The following IPMK variants were observed in gnomAD, a reference collection of about 807,000 sequenced individuals.
IPMK encodes inositol polyphosphate multikinase, also known as inositol 1,3,4,6-tetrakisphosphate 5-kinase.
IPMK carries 17 observed loss-of-function variants against 45.8 expected under a neutral mutation model. The observed-to-expected ratio is 0.37, with a 90% CI of 0.25 to 0.56. The LOEUF (loss-of-function observed/expected upper bound fraction) is 0.56. Among genes scored for constraint, IPMK ranks in the 20% least tolerant of loss-of-function variants. IPMK has a pLI of 0.79. For synonymous variants in IPMK, 180 were observed against 184.3 expected, an observed-to-expected ratio of 0.98 and a Z score of 0.19; for missense variants, 399 against 498.0, an observed-to-expected ratio of 0.80 and a Z score of 1.89.
chr10:58,198,915 C>T (rs890502293), intron 5 of IPMK, among the ~76,000 whole-genome samples: 7 of 151,934 alleles, frequency 4.6e-5, no homozygotes, highest in African/African-American at 1.4e-4. Context: ...TGATCTATAA[C>T]GTTTACTTAC....
chr10:58,217,439 A>C (rs1838261211), intron 3 of IPMK, among the ~76,000 whole-genome samples: 1 of 151,722 alleles, frequency 6.6e-6, no homozygotes, highest in African/African-American at 2.4e-5. Flanking sequence ...CTGTAATCCC[A>C]GCACTTTGGG....
chr10:58,267,677 C>T lies in IPMK; in HGVS notation c.-66G>A, dbSNP rs1839173967. 1 of 1,007,114 alleles carries T rather than the reference C, an allele frequency of 9.9e-7. No individual in the cohort carries two copies. The highest frequency in any genetic ancestry group is 1.4e-5 in the South Asian group (1 of 70,962). 62.4% of individuals were successfully genotyped at this position (1,007,114 alleles called of 1,614,324 possible). On this transcript the variant is annotated 5_prime_UTR_variant, in exon 1 of 6. Coordinates refer to ENST00000373935, the MANE Select transcript of IPMK (RefSeq NM_152230.5). The stretch of plus-strand genomic sequence containing the variant: ...AAAAATAGGGCGAGGGAGGGGGCGC[C>T]GGAGAACCCGAGGGTCGCTCAGGCT...
rs1439249918 is a variant in IPMK, at chr10:58,194,713, T to C, written c.*1363A>G. The C allele has an allele frequency of 6.6e-6, 1 of 151,948 alleles. No individual in the cohort carries two copies. The highest frequency in any genetic ancestry group is 2.4e-5 in the African/African-American group (1 of 41,430). The allele number at this position is 151,948 out of a possible 1,614,324, so 9.4% of individuals were successfully genotyped here. A position where few individuals can be genotyped will look rare whatever the true frequency, so the allele number is the denominator to read the frequency against. Reference sequence around the variant, plus strand: ...AGAAAGAATTTACAACCCCAAAATATTTTCCAGGAATATGACAAAACTGAT... The same window carrying C: ...AGAAAGAATTTACAACCCCAAAATACTTTCCAGGAATATGACAAAACTGAT... On this transcript the variant is annotated 3_prime_UTR_variant, in exon 6 of 6. Coordinates refer to ENST00000373935, the MANE Select transcript of IPMK (RefSeq NM_152230.5).
intron 4 of IPMK, among the ~76,000 whole-genome samples, chr10:58,214,348 T>C (rs1423242282): frequency 2.0e-5 from 3 of 152,150 alleles, no homozygotes; most frequent in African/African-American, 7.2e-5. Flanking sequence ...GAAATCCTGT[T>C]GGATGATTTT....
chr10:58,250,284 T>C (rs1838862928), intron 1 of IPMK, among the ~76,000 whole-genome samples: 1 of 152,206 alleles, frequency 6.6e-6, no homozygotes, highest in African/African-American at 2.4e-5. Context: ...GTACGAACAT[T>C]TTAATATTAA....
chr10:58,196,079 A>G lies in IPMK; in HGVS notation c.1248T>C (p.Asn416=). The change falls in exon 6 of 6, where the codon AAT becomes AAC. Residue 416 remains asparagine, a synonymous_variant. Coordinates refer to ENST00000373935, the MANE Select transcript of IPMK (RefSeq NM_152230.5). ...TAAAAAGACTGCAACAGAGGATTCA[A>G]TTGTCTAAAATACTTCGAAGTACAG... is the stretch of plus-strand genomic sequence containing the variant. ...LISVLRSILD[N] 4 of 1,609,428 alleles carry G rather than the reference A, an allele frequency of 2.5e-6. No individual in the cohort carries two copies. The highest frequency in any genetic ancestry group is 3.4e-6 in the Non-Finnish European group (4 of 1,176,796).
intron 3 of IPMK, among the ~76,000 whole-genome samples, chr10:58,220,419 AG>A (rs1337007292): frequency 1.3e-5 from 2 of 152,164 alleles, no homozygotes; most frequent in East Asian, 3.9e-4. Flanking sequence ...TTGTGCCCAA[AG>A]AATCTTAACT....
At chr10:58,242,254 G>A (rs1031765742) in intron 1 of IPMK, among the ~76,000 whole-genome samples, 4 of 152,008 alleles carry the variant, frequency 2.6e-5, no homozygotes, top group African/African-American at 9.7e-5. Context: ...TAAGGAGATC[G>A]AGACCATCTT....
At chr10:58,197,417 G>A (rs1196366912) in intron 5 of IPMK, among the ~76,000 whole-genome samples, 11 of 148,398 alleles carry the variant, frequency 7.4e-5, no homozygotes, top group Middle Eastern at 7.8e-3. Context: ...TTGGGAGGCC[G>A]AGGTGGGCGG....
At chr10:58,217,347 C>T (rs533592482) in intron 3 of IPMK, among the ~76,000 whole-genome samples, 1 of 151,670 alleles carries the variant, frequency 6.6e-6, no homozygotes, top group Non-Finnish European at 1.5e-5. Context: ...GGTCCAGGTC[C>T]CAAGGGAAAC....
chr10:58,228,942 T>C (rs1316584396), intron 2 of IPMK, among the ~76,000 whole-genome samples: 1 of 152,204 alleles, frequency 6.6e-6, no homozygotes, highest in Non-Finnish European at 1.5e-5. Context: ...AGCAGTGATG[T>C]TTGGGCTTCA....
intron 1 of IPMK, among the ~76,000 whole-genome samples, chr10:58,252,479 C>T: frequency 1.3e-5 from 2 of 148,610 alleles, no homozygotes; most frequent in African/African-American, 5.0e-5. Context: ...GTTCAGCGGT[C>T]CATGTGCATG....
At chr10:58,242,486 C>T (rs888505062) in intron 1 of IPMK, among the ~76,000 whole-genome samples, 14 of 140,062 alleles carry the variant, frequency 1.0e-4, no homozygotes, top group African/African-American at 3.8e-4. Flanking sequence ...GAAAAGAAAA[C>T]AAAAGACAAG....
intron 2 of IPMK, among the ~76,000 whole-genome samples, chr10:58,229,293 C>T (rs1168982426): frequency 1.3e-5 from 2 of 151,924 alleles, no homozygotes; most frequent in East Asian, 1.9e-4. Flanking sequence ...TGGTGGCTAA[C>T]GCCTGTAATC....
At chr10:58,203,518 G>A (rs1838026637) in intron 4 of IPMK, among the ~76,000 whole-genome samples, 1 of 151,638 alleles carries the variant, frequency 6.6e-6, no homozygotes. Context: ...GTTTCACCAT[G>A]TTGCCCAGGC....
At chr10:58,224,791 G>A (rs899146367) in intron 3 of IPMK, among the ~76,000 whole-genome samples, 2 of 152,122 alleles carry the variant, frequency 1.3e-5, no homozygotes, top group African/African-American at 4.8e-5. Flanking sequence ...AATGTCATTA[G>A]TTTTAGACTA....
chr10:58,259,425 T>C (rs746293151), intron 1 of IPMK, among the ~76,000 whole-genome samples: 4 of 151,718 alleles, frequency 2.6e-5, no homozygotes, highest in African/African-American at 4.9e-5. Flanking sequence ...ATAATGGATA[T>C]CTATCCACTG....
intron 1 of IPMK, 61 bp from the exon 2 acceptor site, chr10:58,237,875 A>C: frequency 2.5e-6 from 3 of 1,222,630 alleles, no homozygotes; most frequent in Non-Finnish European, 3.6e-6. Flanking sequence ...TGCTTCATTA[A>C]ATAGATTAGT....
intron 1 of IPMK, among the ~76,000 whole-genome samples, chr10:58,250,023 T>G (rs1029625698): frequency 6.6e-6 from 1 of 152,218 alleles, no homozygotes; most frequent in African/African-American, 2.4e-5. Context: ...TCCAGTTCAC[T>G]ATTACGTTCC....
Sources: gnomAD v4.1 joint callset for allele counts (sites outside exome capture counted in the v4.1 genomes callset) on GRCh38, gnomAD v4.1.1 for gene constraint, MANE v1.5 for transcripts, NCBI Gene and HGNC (gene_info 2026-07-23, HGNC 2026-07-21) for gene names.